Variants in TLE4 observed in about 807,000 individuals in gnomAD.
TLE4 encodes TLE family member 4, transcriptional corepressor.
Under a neutral mutation model 92.8 loss-of-function variants are expected in TLE4, and 8 were observed. The ratio of observed to expected loss-of-function variants is 0.09; its 90% CI spans 0.05 to 0.16. The LOEUF is 0.16. Among genes scored for constraint, TLE4 ranks in the 10% least tolerant of loss-of-function variants. TLE4 has a pLI of 1.00. For synonymous variants in TLE4, 371 were observed against 374.1 expected (o/e 0.99, Z 0.10); for missense variants, 675 against 997.6 (o/e 0.68, Z 4.36).
intron 6 of TLE4, among the ~76,000 whole-genome samples, chr9:79,636,197 A>G (rs931140559): frequency 3.3e-5 from 5 of 152,098 alleles, no homozygotes; most frequent in Non-Finnish European, 7.4e-5. Flanking sequence ...ATATGAGACT[A>G]TATATAGTAG....
Position 79,574,802 on chromosome 9 carries a change from G to A in TLE4, c.144-71G>A, listed in dbSNP as rs112466188. ...TTTAGTTGTTTGTAGGTGAGATTTA[G>A]AATATGCGTTTAAGAGTTGAAGGAT... On this transcript the variant is annotated intron_variant, in intron 2 of 19. Coordinates refer to ENST00000376552, the MANE Select transcript of TLE4 (RefSeq NM_007005.6). The A allele has an allele frequency of 4.6e-4, 589 of 1,283,130 alleles. 5 individuals are homozygous for A. In the African/African-American group the frequency reaches 7.9e-3, roughly 17 times the overall value. 79.5% of individuals were successfully genotyped at this position (1,283,130 alleles called of 1,614,324 possible). A position where few individuals can be genotyped will look rare whatever the true frequency, so the allele number is the denominator to read the frequency against.
intron 4 of TLE4, among the ~76,000 whole-genome samples, chr9:79,599,270 C>G (rs770922016): frequency 6.6e-6 from 1 of 152,152 alleles, no homozygotes; most frequent in Non-Finnish European, 1.5e-5. Flanking sequence ...CCTCTTCTGT[C>G]CTTATTTTCC....
intron 19 of TLE4, 114 bp from the exon 20 acceptor site, chr9:79,724,923 T>C: frequency 1.7e-6 from 1 of 572,652 alleles, no homozygotes. Context: ...TTTCCTTGAC[T>C]GGGCTTTCTG....
chr9:79,706,050 G>T, intron 10 of TLE4, 108 bp downstream of exon 10: 1 of 1,143,798 alleles, frequency 8.7e-7, no homozygotes, highest in South Asian at 1.2e-5. Context: ...TTTTGTTATT[G>T]TTGTTGTTTT....
intron 8 of TLE4, among the ~76,000 whole-genome samples, chr9:79,700,372 T>C (rs1403859097): frequency 6.6e-6 from 1 of 152,216 alleles, no homozygotes; most frequent in Non-Finnish European, 1.5e-5. Context: ...AGTTACTTTA[T>C]AGAAGTCTTT....
At chr9:79,677,118 A>G (rs2063405364) in intron 8 of TLE4, among the ~76,000 whole-genome samples, 1 of 152,120 alleles carries the variant, frequency 6.6e-6, no homozygotes, top group African/African-American at 2.4e-5. Context: ...ATTCTTTTTA[A>G]TAGTAACAGT....
At chr9:79,665,948 TTTA>T in intron 8 of TLE4, among the ~76,000 whole-genome samples, 1 of 152,354 alleles carries the variant, frequency 6.6e-6, no homozygotes, top group South Asian at 2.1e-4. Context: ...ATTAGAGACC[TTTA>T]GAAGGAAGTA....
At chr9:79,716,346 C>T (rs1295387481) in intron 14 of TLE4, among the ~76,000 whole-genome samples, 4 of 152,214 alleles carry the variant, frequency 2.6e-5, no homozygotes, top group Non-Finnish European at 5.9e-5. Context: ...GCATATGCTG[C>T]CTCTTCAGAG....
At chr9:79,669,790 G>A (rs1454983800) in intron 8 of TLE4, among the ~76,000 whole-genome samples, 1 of 152,190 alleles carries the variant, frequency 6.6e-6, no homozygotes, top group Non-Finnish European at 1.5e-5. Context: ...AAGTGGGAAT[G>A]GCCCAATTGT....
chr9:79,669,025 C>T (rs1357899055), intron 8 of TLE4, among the ~76,000 whole-genome samples: 3 of 152,148 alleles, frequency 2.0e-5, no homozygotes, highest in Non-Finnish European at 2.9e-5. Flanking sequence ...TTTCATTTTG[C>T]ATTTAGGCTT....
chr9:79,642,161 C>T (rs147914841), intron 6 of TLE4, among the ~76,000 whole-genome samples: 11 of 151,614 alleles, frequency 7.3e-5, no homozygotes, highest in South Asian at 6.2e-4. Context: ...CCACCTCTGA[C>T]GTTCTAAGAT....
At chr9:79,617,362 A>C (rs2049890455) in intron 5 of TLE4, among the ~76,000 whole-genome samples, 2 of 151,824 alleles carry the variant, frequency 1.3e-5, no homozygotes, top group South Asian at 4.2e-4. Flanking sequence ...TGTTTTTTGT[A>C]CTCTTGTTTC....
chr9:79,716,376 T>C (rs1390861812), intron 14 of TLE4, among the ~76,000 whole-genome samples: 1 of 152,216 alleles, frequency 6.6e-6, no homozygotes, highest in African/African-American at 2.4e-5. Context: ...TGACTGCCAC[T>C]GTGTGCTCCC....
At chr9:79,693,532 C>T (rs1423774899) in intron 8 of TLE4, 2 of 396,002 alleles carry the variant, frequency 5.1e-6, no homozygotes, top group Non-Finnish European at 9.8e-6. Flanking sequence ...GTTTATAAAC[C>T]ATAAGACTTA....
At chr9:79,599,250 C>T (rs1230030351) in intron 4 of TLE4, among the ~76,000 whole-genome samples, 1 of 152,150 alleles carries the variant, frequency 6.6e-6, no homozygotes, top group African/African-American at 2.4e-5. Context: ...CATAGTCTGA[C>T]CCCAGTGAAC....
intron 4 of TLE4, among the ~76,000 whole-genome samples, chr9:79,595,185 G>A (rs2043644280): frequency 6.6e-6 from 1 of 152,174 alleles, no homozygotes; most frequent in African/African-American, 2.4e-5. Context: ...TCTTAGGGCT[G>A]TGTTGGAGAA....
intron 6 of TLE4, among the ~76,000 whole-genome samples, chr9:79,635,308 G>C (rs1201136886): frequency 6.6e-6 from 1 of 151,158 alleles, no homozygotes; most frequent in African/African-American, 2.4e-5. Context: ...TCATCAGTCA[G>C]TTTTATTATT....
At chr9:79,654,198 C>T in intron 8 of TLE4, 123 bp downstream of exon 8, 3 of 916,254 alleles carry the variant, frequency 3.3e-6, no homozygotes, top group Admixed American at 2.7e-5. Flanking sequence ...TGGTTAACTG[C>T]ATTTTTAAAA....
At chr9:79,723,172 T>C (rs963307055) in intron 19 of TLE4, 137 bp downstream of exon 19, 7 of 800,950 alleles carry the variant, frequency 8.7e-6, no homozygotes, top group African/African-American at 5.2e-5. Context: ...AAGGAAACTG[T>C]GTCCAAGGAG....
Sources: gnomAD v4.1 joint callset for allele counts (sites outside exome capture counted in the v4.1 genomes callset) on GRCh38, gnomAD v4.1.1 for gene constraint, MANE v1.5 for transcripts, NCBI Gene and HGNC (gene_info 2026-07-23, HGNC 2026-07-21) for gene names.